STARD9: variants seen among roughly 807,000 people sequenced by gnomAD.
STARD9 encodes stAR-related lipid transfer protein 9.
In STARD9, 346 loss-of-function variants were observed where a neutral mutation model predicts 399.8. The ratio of observed to expected loss-of-function variants is 0.87; its 90% CI spans 0.79 to 0.95. STARD9 has a LOEUF of 0.95. Among genes scored for constraint, STARD9 ranks in the 40% least tolerant of loss-of-function variants. STARD9 has a pLI of 0.00. For missense variants in STARD9, 5,832 were observed against 5,667.5 expected (o/e 1.03, Z -0.93); for synonymous variants, 2,203 against 2,143.5 (o/e 1.03, Z -0.77).
rs763484090 is a variant in STARD9, at chr15:42,607,194, C to CTTTTTTTTTT, written c.234+21574_234+21583dup. On this transcript the variant is annotated intron_variant, in intron 3 of 32. Coordinates refer to ENST00000290607, the MANE Select transcript of STARD9 (RefSeq NM_020759.3). Reference sequence around the variant, plus strand: ...AGCACAACCCTGCATTTTTCTGGTGCTTTTTTTTTTTTTTTTTTTTTTTTT... The same window carrying CTTTTTTTTTT: ...AGCACAACCCTGCATTTTTCTGGTGCTTTTTTTTTTTTTTTTTTTTTTTTTTTTTTTTTTT... Among the ~76,000 whole-genome samples the CTTTTTTTTTT allele has an allele frequency of 1.3e-4, 5 of 39,266 alleles. 1 individual carries two copies. Among genetic ancestry groups the CTTTTTTTTTT allele is most frequent in the East Asian group, 1.1e-3 (1 of 922 alleles). The allele number at this position is 39,266 out of a possible 152,430, so 25.8% of individuals were successfully genotyped here.
intron 13 of STARD9, among the ~76,000 whole-genome samples, chr15:42,664,253 C>T (rs1322660096): frequency 6.6e-6 from 1 of 152,140 alleles, no homozygotes; most frequent in African/African-American, 2.4e-5. Context: ...CTCTGTCACC[C>T]AGGCTGGAGC....
intron 26 of STARD9, among the ~76,000 whole-genome samples, chr15:42,697,396 T>C (rs2060867332): frequency 6.6e-6 from 1 of 152,200 alleles, no homozygotes; most frequent in Non-Finnish European, 1.5e-5. Context: ...CTACCATGCC[T>C]GGCCTTCTTT....
intron 26 of STARD9, among the ~76,000 whole-genome samples, chr15:42,699,392 CTTTTTTT>C (rs34614271): frequency 5.3e-5 from 6 of 113,280 alleles, no homozygotes; most frequent in Non-Finnish European, 8.6e-5. Flanking sequence ...TTTTTCTTTT[CTTTTTTT>C]TTTTTTTTTT....
chr15:42,631,275 C>T (rs893820806), intron 3 of STARD9, among the ~76,000 whole-genome samples: 2 of 151,928 alleles, frequency 1.3e-5, no homozygotes, highest in Admixed American at 6.6e-5. Flanking sequence ...CTTCTGTTTC[C>T]GTATCCATTT....
Position 42,682,533 on chromosome 15 carries a change from G to A in STARD9, c.2495G>A (p.Ser832Asn), listed in dbSNP as rs1243975312. 16 of 1,537,066 alleles carry A rather than the reference G, an allele frequency of 1.0e-5. No homozygotes were observed. The highest frequency in any genetic ancestry group is 1.4e-5 in the Non-Finnish European group (16 of 1,146,904). The change falls in exon 22 of 33, where the codon AGC (serine) becomes AAC (asparagine). Residue 832 changes from serine (S) to asparagine (N), a missense_variant. Ser to Asn is a conservative substitution (Grantham distance 46). Around this residue, in one of 2 missense-constraint regions of STARD9, gnomAD observed 5,828 missense variants for 5,651.1 expected, o/e 1.03. Transcript: ENST00000290607. ...RSKLTSCSSLSPQRLCSKHMP... is the reference protein window; with the variant it reads ...RSKLTSCSSLNPQRLCSKHMP... ...AAATTGACGAGTTGCAGTTCTTTGAGCCCCCAAAGACTCTGCAGCAAGCAC... is the reference window on the plus strand; with the variant it reads ...AAATTGACGAGTTGCAGTTCTTTGAACCCCCAAAGACTCTGCAGCAAGCAC...
Position 42,654,687 on chromosome 15 carries a change from G to GA in STARD9, c.702+2106dup, listed in dbSNP as rs944693589. ...GAACTCAACATTTTTTACAATAGCT[G>GA]AAAAAAAAAAATACTTAGGCATACA... On this transcript the variant is annotated intron_variant, in intron 9 of 32. Transcript: ENST00000290607. Among the ~76,000 whole-genome samples, 157 of 145,540 alleles carry GA rather than the reference G, an allele frequency of 1.1e-3. No individual in the cohort carries two copies. The East Asian group carries it at 0.014, about 13-fold the overall frequency.
At chr15:42,664,589 A>G (rs2060052395) in intron 13 of STARD9, among the ~76,000 whole-genome samples, 1 of 151,864 alleles carries the variant, frequency 6.6e-6, no homozygotes, top group Non-Finnish European at 1.5e-5. Flanking sequence ...CTGGTCTCAA[A>G]CTCCTGGACT....
Position 42,582,877 on chromosome 15 carries a change from G to C in STARD9, c.48-469G>C, listed in dbSNP as rs533671124. On this transcript the variant is annotated intron_variant, in intron 1 of 32. Transcript: ENST00000290607. Reference sequence around the variant, plus strand: ...TCCCCGCACTCTCTAGGGTTTCTAAGCCTGACTTCTAAGGTATAATTCAGA... The same window carrying C: ...TCCCCGCACTCTCTAGGGTTTCTAACCCTGACTTCTAAGGTATAATTCAGA... 6.6e-4 allele frequency among the ~76,000 whole-genome samples: 101 copies of C among 152,252 alleles called. 1 individual carries two copies. Among genetic ancestry groups the C allele is most frequent in the African/African-American group, 2.4e-3 (98 of 41,544 alleles).
At position 42,688,705 on chromosome 15, in the gene STARD9, C is replaced by A. The variant is rs2060619229; in HGVS notation, c.7127C>A (p.Thr2376Asn). The change falls in exon 23 of 33, where the codon ACT becomes AAT. Residue 2376 changes from threonine to asparagine, a missense_variant. Physicochemically the swap from Thr to Asn is moderately conservative, Grantham distance 65 (BLOSUM62 0). Transcript: ENST00000290607. ...AAAATTCATAACAGTCCCTTGGTAA[C>A]TGGAGTAGAGCATCAGGACCAGAGT... ...MLKIHNSPLVTGVEHQDQSTE... is the reference protein window; with the variant it reads ...MLKIHNSPLVNGVEHQDQSTE... 6.5e-7 allele frequency: 1 copy of A among 1,537,628 alleles called. No homozygotes were observed. The highest frequency in any genetic ancestry group is 2.0e-5 in the Admixed American group (1 of 50,976).
intron 15 of STARD9, among the ~76,000 whole-genome samples, chr15:42,667,620 A>C (rs2140127788): frequency 6.6e-6 from 1 of 151,930 alleles, no homozygotes; most frequent in Admixed American, 6.6e-5. Flanking sequence ...TTGGGATTAC[A>C]GGCACCCACT....
chr15:42,604,672 T>C (rs1431818814), intron 3 of STARD9, among the ~76,000 whole-genome samples: 1 of 133,728 alleles, frequency 7.5e-6, no homozygotes, highest in Non-Finnish European at 1.6e-5. Context: ...AGGGTCTCTC[T>C]CTGTCCCCCA....
intron 7 of STARD9, among the ~76,000 whole-genome samples, chr15:42,647,628 A>G (rs1351652097): frequency 6.6e-6 from 1 of 151,858 alleles, no homozygotes; most frequent in Non-Finnish European, 1.5e-5. Context: ...TATGTTTCAG[A>G]TGTGTTTTTT....
chr15:42,692,102 G>T lies in STARD9; in HGVS notation c.10524G>T (p.Val3508=), dbSNP rs2060722442. Residue 3508 remains valine, a synonymous_variant, in exon 23 of 33, where the codon GTG becomes GTT. Coordinates refer to ENST00000290607, the MANE Select transcript of STARD9 (RefSeq NM_020759.3). ...QKPQGLTLSN[V]ARCSSMDNGL... ...CCCAGGGGCTGACACTATCAAATGTGGCCCGGTGCTCCAGCATGGACAATG... is the reference window on the plus strand; with the variant it reads ...CCCAGGGGCTGACACTATCAAATGTTGCCCGGTGCTCCAGCATGGACAATG... 6.5e-7 allele frequency: 1 copy of T among 1,537,060 alleles called. No individual in the cohort carries two copies. Among genetic ancestry groups the T allele is most frequent in the African/African-American group, 1.4e-5 (1 of 73,006 alleles).
intron 7 of STARD9, among the ~76,000 whole-genome samples, chr15:42,644,042 C>T (rs965334008): frequency 3.9e-5 from 6 of 152,056 alleles, no homozygotes; most frequent in Non-Finnish European, 7.4e-5. Context: ...TACAGACATG[C>T]TTTGGATATA....
intron 3 of STARD9, among the ~76,000 whole-genome samples, chr15:42,597,793 T>A (rs1239543293): frequency 6.6e-6 from 1 of 152,022 alleles, no homozygotes; most frequent in Admixed American, 6.6e-5. Flanking sequence ...CGACTTAGCC[T>A]CCCAAAATGC....
At chr15:42,651,516 G>A (rs540285513) in intron 8 of STARD9, among the ~76,000 whole-genome samples, 137 of 152,192 alleles carry the variant, frequency 9.0e-4, no homozygotes, top group African/African-American at 3.2e-3. Flanking sequence ...TTTTGAATCT[G>A]CTATGAATAA....
At chr15:42,714,058 ATTTT>A (rs35057586) in intron 26 of STARD9, among the ~76,000 whole-genome samples, 3 of 119,144 alleles carry the variant, frequency 2.5e-5, no homozygotes, top group African/African-American at 3.5e-5. Flanking sequence ...ATGCACTAAG[ATTTT>A]TTTTTTTTTT....
At chr15:42,626,267 TTCC>T (rs1290432717) in intron 3 of STARD9, among the ~76,000 whole-genome samples, 1 of 144,136 alleles carries the variant, frequency 6.9e-6, no homozygotes, top group Non-Finnish European at 1.5e-5. Flanking sequence ...CCTCTTCCTC[TTCC>T]TCCTCCTCTT....
chr15:42,635,021 C>T, intron 4 of STARD9, 49 bp downstream of exon 4: 1 of 1,050,580 alleles, frequency 9.5e-7, no homozygotes, highest in Non-Finnish European at 1.4e-6. Context: ...AAGCCTGAAC[C>T]TTGCATTGTC....
Sources: allele counts gnomAD v4.1 joint callset (sites outside exome capture counted in the v4.1 genomes callset), GRCh38; gene constraint gnomAD v4.1.1; regional missense constraint gnomAD v4.1.1; transcripts MANE v1.5; gene names NCBI Gene and HGNC (gene_info 2026-07-23, HGNC 2026-07-21).